The following ZNF385D variants were observed in gnomAD, a reference collection of about 807,000 sequenced individuals.
The protein encoded by ZNF385D is zinc finger protein 659.
ZNF385D carries 15 observed loss-of-function variants against 35.8 expected under a neutral mutation model. The observed-to-expected ratio is 0.42, with a 90% confidence interval of 0.28 to 0.64. ZNF385D has a LOEUF of 0.64. ZNF385D is among the 30% of genes least tolerant of loss of function. ZNF385D has a pLI of 0.23. For synonymous variants in ZNF385D, 212 were observed against 186.8 expected (o/e 1.13, Z -1.10); for missense variants, 474 against 494.6 (o/e 0.96, Z 0.39).
intron 3 of ZNF385D, among the ~76,000 whole-genome samples, chr3:22,080,642 G>T (rs2593322): frequency 6.6e-6 from 1 of 151,742 alleles, no homozygotes; most frequent in Non-Finnish European, 1.5e-5. Flanking sequence ...TTTTATATAT[G>T]AAATACTTCG....
chr3:22,040,054 C>T (rs988397903), intron 3 of ZNF385D, among the ~76,000 whole-genome samples: 4 of 152,166 alleles, frequency 2.6e-5, no homozygotes, highest in Non-Finnish European at 5.9e-5. Context: ...TTCGTACTAA[C>T]GGCCAAGTCT....
At chr3:21,514,776 A>G (rs1707452809) in intron 3 of ZNF385D, among the ~76,000 whole-genome samples, 1 of 152,014 alleles carries the variant, frequency 6.6e-6, no homozygotes, top group Non-Finnish European at 1.5e-5. Context: ...GAGGCTGTCA[A>G]ATTCTTGTAT....
intron 3 of ZNF385D, among the ~76,000 whole-genome samples, chr3:21,817,163 C>T (rs917422756): frequency 1.3e-5 from 2 of 152,172 alleles, no homozygotes; most frequent in African/African-American, 4.8e-5. Flanking sequence ...CCCTTCTTGA[C>T]ACCTTATACA....
intron 1 of ZNF385D, among the ~76,000 whole-genome samples, chr3:21,675,097 G>T (rs1052919109): frequency 2.0e-5 from 3 of 151,954 alleles, no homozygotes; most frequent in Admixed American, 2.0e-4. Context: ...GAAAAGAAAA[G>T]CGGATTAAAC....
intron 3 of ZNF385D, among the ~76,000 whole-genome samples, chr3:21,757,489 T>A (rs186309797): frequency 6.6e-6 from 1 of 152,242 alleles, no homozygotes; most frequent in Non-Finnish European, 1.5e-5. Flanking sequence ...AGACAGCTAA[T>A]AGGAGCTTTT....
chr3:21,924,507 T>C (rs13072115), intron 3 of ZNF385D, among the ~76,000 whole-genome samples: 81,241 of 152,002 alleles, frequency 0.53, 23,799 homozygotes, highest in South Asian at 0.66. Flanking sequence ...TGAAACACCC[T>C]CAAAAAATTG....
intron 2 of ZNF385D, among the ~76,000 whole-genome samples, chr3:21,567,541 A>C (rs1250348790): frequency 6.6e-6 from 1 of 152,094 alleles, no homozygotes; most frequent in Non-Finnish European, 1.5e-5. Flanking sequence ...AGAACACTGA[A>C]GGGTAATTTT....
chr3:21,995,670 T>A (rs1695418616), intron 3 of ZNF385D, among the ~76,000 whole-genome samples: 1 of 151,760 alleles, frequency 6.6e-6, no homozygotes, highest in Non-Finnish European at 1.5e-5. Flanking sequence ...CCAAATGGCA[T>A]TCTCAAGCAG....
chr3:22,034,880 A>G (rs1698217697), intron 3 of ZNF385D, among the ~76,000 whole-genome samples: 1 of 152,210 alleles, frequency 6.6e-6, no homozygotes, highest in Admixed American at 6.5e-5. Context: ...AAAAATATCT[A>G]AAAGTCAGCC....
chr3:21,549,783 C>A (rs1448654169), intron 3 of ZNF385D, among the ~76,000 whole-genome samples: 1 of 152,186 alleles, frequency 6.6e-6, no homozygotes, highest in Non-Finnish European at 1.5e-5. Flanking sequence ...GTCTTGGAGA[C>A]TAACACAGGA....
intron 3 of ZNF385D, among the ~76,000 whole-genome samples, chr3:22,067,163 GTC>G (rs139737394): frequency 0.012 from 1,775 of 152,298 alleles, 32 homozygotes; most frequent in African/African-American, 0.04. Flanking sequence ...GATTGCTTGT[GTC>G]TCTGTTTTAT....
At chr3:21,776,261 G>A (rs911011150) in intron 3 of ZNF385D, among the ~76,000 whole-genome samples, 10 of 151,798 alleles carry the variant, frequency 6.6e-5, no homozygotes, top group African/African-American at 2.4e-4. Context: ...ATTACTTATT[G>A]TTTCCTTGGA....
At chr3:22,294,958 T>C (rs1042663938) in intron 2 of ZNF385D, among the ~76,000 whole-genome samples, 2 of 152,100 alleles carry the variant, frequency 1.3e-5, no homozygotes, top group African/African-American at 4.8e-5. Context: ...ACCAGGGGTA[T>C]AACTATCTAT....
rs1575139707 is a variant in ZNF385D, at chr3:22,333,575, G to T, written c.106+38875C>A. Among the ~76,000 whole-genome samples, 3 of 152,078 alleles carry T rather than the reference G, an allele frequency of 2.0e-5. No homozygotes were observed. The South Asian group carries it at 6.2e-4, about 32-fold the overall frequency. ...CTTTGACATTTACCCCATCCAGAGA[G>T]TTTTCATTTATTTTTTCAGCCCTAA... On this transcript the variant is annotated intron_variant, in intron 2 of 5. Transcript: ENST00000494108.
chr3:22,235,628 A>G (rs578184910), intron 2 of ZNF385D, among the ~76,000 whole-genome samples: 2 of 152,110 alleles, frequency 1.3e-5, no homozygotes, highest in Non-Finnish European at 2.9e-5. Context: ...CTGTGCAGAG[A>G]ATTTCTTTAA....
At chr3:22,062,754 A>G (rs537637886) in intron 3 of ZNF385D, among the ~76,000 whole-genome samples, 6 of 152,312 alleles carry the variant, frequency 3.9e-5, no homozygotes, top group African/African-American at 1.2e-4. Flanking sequence ...AAGACATTGC[A>G]GCTTTCTCCT....
At chr3:21,802,217 A>T in intron 3 of ZNF385D, among the ~76,000 whole-genome samples, 1 of 152,142 alleles carries the variant, frequency 6.6e-6, no homozygotes, top group South Asian at 2.1e-4. Flanking sequence ...AAGATCTTAC[A>T]CTTGTGAATA....
upstream of ZNF385D, among the ~76,000 whole-genome samples, chr3:21,751,747 A>AT (rs1000756165): frequency 2.6e-5 from 4 of 151,992 alleles, no homozygotes; most frequent in Admixed American, 2.0e-4. Context: ...GTGAAGTGTA[A>AT]TTTTTTATTT....
rs972125821 is a variant in ZNF385D at position 21,420,767 on chromosome 3, G to C, written c.*447C>G. 2 of 158,284 alleles carry C rather than the reference G, an allele frequency of 1.3e-5. No homozygotes were observed. The highest frequency in any genetic ancestry group is 4.8e-5 in the African/African-American group (2 of 41,284). The allele number at this position is 158,284 out of a possible 1,614,324, so 9.8% of individuals were successfully genotyped here. A position where few individuals can be genotyped will look rare whatever the true frequency, so the allele number is the denominator to read the frequency against. ...CACGGGTAGTACTATTCACAGTGTT[G>C]CTTTTGTTTTTGTTTTTTTCCTTTT... On this transcript the variant is annotated 3_prime_UTR_variant, in exon 8 of 8. Coordinates refer to ENST00000281523, the MANE Select transcript of ZNF385D (RefSeq NM_024697.3).
Sources: gnomAD v4.1 joint callset for allele counts (sites outside exome capture counted in the v4.1 genomes callset) on GRCh38, gnomAD v4.1.1 for gene constraint, MANE v1.5 for transcripts, NCBI Gene and HGNC (gene_info 2026-07-23, HGNC 2026-07-21) for gene names.